The following PKLR variants were observed in gnomAD, a reference collection of about 807,000 sequenced individuals.
PKLR encodes the protein pyruvate kinase PKLR.
A neutral mutation model predicts 53.6 loss-of-function variants in PKLR; 38 were observed. That is an observed-to-expected ratio of 0.71 (90% CI 0.55 to 0.93). The LOEUF (loss-of-function observed/expected upper bound fraction) is 0.93, where lower values mean the gene tolerates loss of function less well. Among genes scored for constraint, PKLR ranks in the 40% least tolerant of loss-of-function variants. PKLR has a pLI of 0.00. For missense variants in PKLR, 702 were observed against 787.3 expected (o/e 0.89, Z 1.30); for synonymous variants, 328 against 316.2 (o/e 1.04, Z -0.39).
rs1647478505 is a variant in PKLR at position 155,295,029 on chromosome 1, G to A, written c.694+87C>T. The A allele has an allele frequency of 7.0e-7, 1 of 1,438,426 alleles. No individual in the cohort carries two copies. The highest frequency in any genetic ancestry group is 1.2e-5 in the South Asian group (1 of 84,484). The allele number at this position is 1,438,426 out of a possible 1,614,324, so 89.1% of individuals were successfully genotyped here. A position where few individuals can be genotyped will look rare whatever the true frequency, so the allele number is the denominator to read the frequency against. ...AAAACGCGTGGCCAGGGGAAGGTGTGATCGGTCTGAGGGCTGATGGGGGAG... is the reference window on the plus strand; with the variant it reads ...AAAACGCGTGGCCAGGGGAAGGTGTAATCGGTCTGAGGGCTGATGGGGGAG... On this transcript the variant is annotated intron_variant, in intron 5 of 10. Coordinates refer to ENST00000342741, the MANE Select transcript of PKLR (RefSeq NM_000298.6). This position sits in a 1 kb window ranked among gnomAD's most constrained non-coding sequence, Gnocchi z 4.3.
At chr1:155,297,232 G>C (rs1647649906) in intron 2 of PKLR, among the ~76,000 whole-genome samples, 1 of 152,040 alleles carries the variant, frequency 6.6e-6, no homozygotes, top group African/African-American at 2.4e-5. Context: ...CCCAAACCCA[G>C]AGTTGTGTAC....
Position 155,301,432 on chromosome 1 carries a change from A to G in PKLR, c.-37T>C, listed in dbSNP as rs1402473972. ...GGGCCTGGGGCTGCGGGACCATGGAATGAGAGGGAGAGGATGACAAAACTG... is the reference window on the plus strand; with the variant it reads ...GGGCCTGGGGCTGCGGGACCATGGAGTGAGAGGGAGAGGATGACAAAACTG... On this transcript the variant is annotated 5_prime_UTR_variant, in exon 1 of 11. Coordinates refer to ENST00000342741, the MANE Select transcript of PKLR (RefSeq NM_000298.6). 6.2e-7 allele frequency: 1 copy of G among 1,613,978 alleles called. No individual in the cohort carries two copies. The highest frequency in any genetic ancestry group is 1.7e-5 in the Admixed American group (1 of 60,004).
At chr1:155,300,809 G>A in intron 1 of PKLR, 2 of 1,561,674 alleles carry the variant, frequency 1.3e-6, no homozygotes, top group South Asian at 2.3e-5. Context: ...GCTTCTCAAA[G>A]CTGCTACAGA....
chr1:155,300,895 C>T, intron 1 of PKLR: 1 of 1,611,194 alleles, frequency 6.2e-7, no homozygotes, highest in Non-Finnish European at 8.5e-7. Context: ...CATGCCACTG[C>T]ACACCTCTCT....
At chr1:155,298,953 CCTT>C (rs1384413160) in intron 2 of PKLR, among the ~76,000 whole-genome samples, 2,476 of 103,892 alleles carry the variant, frequency 0.024, 108 homozygotes, top group African/African-American at 0.076. Flanking sequence ...AACTTTCACT[CCTT>C]TCTTTCTTTC....
chr1:155,293,191 C>G lies in PKLR; in HGVS notation c.1422G>C (p.Leu474=), dbSNP rs572233729. The G allele has an allele frequency of 1.9e-6, 3 of 1,610,466 alleles. No individual in the cohort carries two copies. In the Admixed American group the frequency reaches 5.0e-5, roughly 27 times the overall value. ...ATCCCCCTCACCGGCCAGTTGTGGTCAGCACAATGATGGCAGCAGCACAGC... is the reference window on the plus strand; with the variant it reads ...ATCCCCCTCACCGGCCAGTTGTGGTGAGCACAATGATGGCAGCAGCACAGC... The part of the protein sequence containing the change: ...FKCCAAAIIV[L]TTTGRSAQLL... Residue 474 remains leucine (L), a synonymous_variant, in exon 9 of 11, where the codon CTG becomes CTC. Transcript: ENST00000342741. This position sits in a 1 kb window ranked among gnomAD's most constrained non-coding sequence, Gnocchi z 4.2.
intron 2 of PKLR, among the ~76,000 whole-genome samples, chr1:155,297,632 T>C (rs1050683314): frequency 2.0e-5 from 3 of 150,574 alleles, no homozygotes; most frequent in African/African-American, 4.9e-5. Context: ...TATTAAAACA[T>C]AAATAAGAGC....
At position 155,301,387 on chromosome 1, in the gene PKLR, G is replaced by A; in HGVS notation, c.9C>T (p.Ile3=). 6.2e-7 allele frequency: 1 copy of A among 1,614,014 alleles called. No homozygotes were observed. The highest frequency in any genetic ancestry group is 8.5e-7 in the Non-Finnish European group (1 of 1,179,954). Residue 3 remains isoleucine, a synonymous_variant, in exon 1 of 11, where the codon ATC becomes ATT. Coordinates refer to ENST00000342741, the MANE Select transcript of PKLR (RefSeq NM_000298.6). MS[I]QENISSLQLR... ...GCTGCAGGGATGATATGTTCTCCTG[G>A]ATCGACATGCTTTCAGTGTGGGCCT...
chr1:155,298,831 CAG>C (rs1194800519), intron 2 of PKLR, among the ~76,000 whole-genome samples: 2 of 150,300 alleles, frequency 1.3e-5, no homozygotes, highest in Admixed American at 6.6e-5. Context: ...TTAGTAGAAA[CAG>C]AGTTTCACCA....
chr1:155,306,983 C>A, the PKLR span, among the ~76,000 whole-genome samples: 1 of 152,156 alleles, frequency 6.6e-6, no homozygotes, highest in Non-Finnish European at 1.5e-5. The surrounding 1 kb of genome is among the most constrained non-coding windows in gnomAD (Gnocchi z 4.2). Flanking sequence ...GGAGCGATCT[C>A]GGTTCACCAC....
In PKLR at chr1:155,294,568, G is replaced by A; in HGVS notation, c.879C>T (p.Asp293=). ...CCAGAGCAGCCCTGACGGCAGCCAC[G>A]TCGCTGGCTTTCCGCACAAAGGAGG... ...VFASFVRKAS[D]VAAVRAALGP... The change falls in exon 6 of 11, where the codon GAC becomes GAT. Residue 293 remains aspartate (D), a synonymous_variant. Coordinates refer to ENST00000342741, the MANE Select transcript of PKLR (RefSeq NM_000298.6). The A allele has an allele frequency of 1.2e-6, 2 of 1,614,206 alleles. No homozygotes were observed. The highest frequency in any genetic ancestry group is 1.7e-6 in the Non-Finnish European group (2 of 1,180,026).
At chr1:155,298,953 C>CCTTTCCTTCTTT (rs1647763483) in intron 2 of PKLR, among the ~76,000 whole-genome samples, 1 of 103,804 alleles carries the variant, frequency 9.6e-6, no homozygotes, top group Non-Finnish European at 2.2e-5. Context: ...AACTTTCACT[C>CCTTTCCTTCTTT]CTTTCTTTCT....
chr1:155,295,733 G>T lies in PKLR; in HGVS notation c.307C>A (p.Arg103Ser), dbSNP rs779765565. ...TIGPASRSVE[R>S]LKEMIKAGMN... ...CCGGCCTTGATCATCTCCTTGAGGC[G>T]CTCCACGGAGCGAGATGCTGGCCCT... The change falls in exon 3 of 11, where the codon CGC becomes AGC. Residue 103 changes from arginine to serine, a missense_variant. Around this residue, in one of 2 missense-constraint regions of PKLR, gnomAD observed 519 missense variants for 537.1 expected, o/e 0.97. Transcript: ENST00000342741. The surrounding 1 kb of genome is among the most constrained non-coding windows in gnomAD (Gnocchi z 4.3). The T allele has an allele frequency of 8.1e-6, 13 of 1,613,852 alleles. No homozygotes were observed. The highest frequency in any genetic ancestry group is 1.3e-5 in the African/African-American group (1 of 74,910).
At chr1:155,300,612 C>G (rs1402183920) in intron 1 of PKLR, among the ~76,000 whole-genome samples, 1 of 152,050 alleles carries the variant, frequency 6.6e-6, no homozygotes, top group Non-Finnish European at 1.5e-5. Flanking sequence ...CCCGCACAAC[C>G]CAGGACCCCC....
chr1:155,301,077 T>G (rs1647969248), intron 1 of PKLR: 2 of 1,508,388 alleles, frequency 1.3e-6, no homozygotes, highest in African/African-American at 1.4e-5. Flanking sequence ...GAGTGCCCCG[T>G]GGCTTACATG....
intron 2 of PKLR, among the ~76,000 whole-genome samples, chr1:155,298,986 CTTTCT>C (rs1647781864): frequency 1.1e-5 from 1 of 91,810 alleles, no homozygotes; most frequent in African/African-American, 6.3e-5. Context: ...TTCTTTCTTT[CTTTCT>C]TTCTTTCTTT....
chr1:155,295,498 C>A lies in PKLR; in HGVS notation c.446G>T (p.Arg149Leu). The A allele has an allele frequency of 6.2e-7, 1 of 1,610,588 alleles. No homozygotes were observed. Among genetic ancestry groups the A allele is most frequent in the Middle Eastern group, 1.7e-4 (1 of 6,056 alleles). ...GGTGTCCAGGGCGATGGCCACGGGC[C>A]GGTAGCTGAGTGGGGAACCTGCAAA... ...ESFAGSPLSY[R>L]PVAIALDTKG... Residue 149 changes from arginine (R) to leucine (L), a missense_variant, in exon 4 of 11, where the codon CGG becomes CTG. Physicochemically the swap from Arg to Leu is moderately radical, Grantham distance 102. Coordinates refer to ENST00000342741, the MANE Select transcript of PKLR (RefSeq NM_000298.6). This position sits in a 1 kb window ranked among gnomAD's most constrained non-coding sequence, Gnocchi z 4.3.
chr1:155,296,361 G>A (rs921717624), intron 2 of PKLR, among the ~76,000 whole-genome samples: 8 of 151,396 alleles, frequency 5.3e-5, no homozygotes, highest in African/African-American at 1.2e-4. Flanking sequence ...TTTTTGAGAC[G>A]GGGGGAGTTT....
At position 155,294,259 on chromosome 1, in the gene PKLR, G is replaced by GC. The variant is rs1434008042; in HGVS notation, c.1091dup (p.Lys365GlnfsTer36). The GC allele has an allele frequency of 1.2e-6, 2 of 1,614,212 alleles. No homozygotes were observed. The highest frequency in any genetic ancestry group is 1.7e-5 in the Admixed American group (1 of 60,022). ...CCTGTGTGGCACAGACAACAGGCTT[G>GC]CCCGCCAAGTTGCAGCGCCCAATCA... is the stretch of plus-strand genomic sequence containing the variant. On this transcript the variant is annotated frameshift_variant, in exon 7 of 11. Transcript: ENST00000342741. LOFTEE classifies it high-confidence loss of function.
Sources: allele counts gnomAD v4.1 joint callset (sites outside exome capture counted in the v4.1 genomes callset), GRCh38; gene constraint gnomAD v4.1.1; regional missense constraint gnomAD v4.1.1; non-coding constraint Gnocchi (gnomAD v3.1); transcripts MANE v1.5; gene names NCBI Gene and HGNC (gene_info 2026-07-23, HGNC 2026-07-21).